Variants in WFS1 observed in about 807,000 individuals in gnomAD.
WFS1 encodes the protein wolframin ER transmembrane glycoprotein, also known as wolframin.
WFS1 carries 90 observed loss-of-function variants against 68.5 expected under a neutral mutation model. That is an observed-to-expected ratio of 1.31 (90% CI 1.11 to 1.56). WFS1 has a LOEUF of 1.56. Ranked by LOEUF, WFS1 falls within the 40% of genes most tolerant of loss-of-function variation. WFS1 has a pLI of 0.00. For synonymous variants in WFS1, 860 were observed against 540.7 expected (o/e 1.59, Z -8.19); for missense variants, 1,767 against 1,232.6 (o/e 1.43, Z -6.49).
rs1730982450 is a variant in WFS1, at chr4:6,302,447, C to G, written c.2652C>G (p.Phe884Leu). The G allele has an allele frequency of 1.9e-6, 3 of 1,613,094 alleles. No homozygotes were observed. The South Asian group carries it at 3.3e-5, about 18-fold the overall frequency. Residue 884 changes from phenylalanine (F) to leucine (L), a missense_variant, in exon 8 of 8, where the codon TTC becomes TTG. Coordinates refer to ENST00000226760, the MANE Select transcript of WFS1 (RefSeq NM_006005.3). The stretch of plus-strand genomic sequence containing the variant: ...AGTTCGCCTTCGACTTCTTTTTCTT[C>G]CCATTCCTGTCGGCGGCCTGAGGAT... ...AVKFAFDFFFFPFLSAA is the reference protein window; with the variant it reads ...AVKFAFDFFFLPFLSAA
At position 6,301,826 on chromosome 4, in the gene WFS1, C is replaced by T; in HGVS notation, c.2031C>T (p.Ala677=). The change falls in exon 8 of 8, where the codon GCC becomes GCT. Residue 677 remains alanine, a synonymous_variant. Coordinates refer to ENST00000226760, the MANE Select transcript of WFS1 (RefSeq NM_006005.3). ...ATGGTGCGCTGTGCGGGCCACGCGC[C>T]TGGAAGGAGACCAACATGGCGCGCA... The part of the protein sequence containing the change: ...QQYGALCGPR[A]WKETNMARTQ... The T allele has an allele frequency of 6.2e-7, 1 of 1,613,242 alleles. No individual in the cohort carries two copies. The highest frequency in any genetic ancestry group is 1.7e-5 in the Admixed American group (1 of 60,036).
At chr4:6,289,486 T>A (rs1730404387) in intron 4 of WFS1, among the ~76,000 whole-genome samples, 1 of 152,222 alleles carries the variant, frequency 6.6e-6, no homozygotes, top group South Asian at 2.1e-4. Flanking sequence ...TGGCCTGCAG[T>A]CAGAGTGGCC....
At position 6,302,991 on chromosome 4, in the gene WFS1, C is replaced by T. The variant is rs572689423; in HGVS notation, c.*523C>T. On this transcript the variant is annotated 3_prime_UTR_variant, in exon 8 of 8. Coordinates refer to ENST00000226760, the MANE Select transcript of WFS1 (RefSeq NM_006005.3). ...GCCTGTCACGTGGTCAAGGCCCGGC[C>T]CCATCAGAGGCTGGGGGAGGCGGCA... The T allele has an allele frequency of 5.9e-6, 1 of 169,894 alleles. No homozygotes were observed. The highest frequency in any genetic ancestry group is 1.3e-5 in the Non-Finnish European group (1 of 77,732). The allele number at this position is 169,894 out of a possible 1,614,324, so 10.5% of individuals were successfully genotyped here.
In WFS1 at chr4:6,301,866, A is replaced by G; in HGVS notation, c.2071A>G (p.Ser691Gly). The G allele has an allele frequency of 6.2e-7, 1 of 1,612,906 alleles. No homozygotes were observed. Among genetic ancestry groups the G allele is most frequent in the Non-Finnish European group, 8.5e-7 (1 of 1,179,832 alleles). Residue 691 changes from serine (S) to glycine (G), a missense_variant, in exon 8 of 8, where the codon AGC (serine) becomes GGC (glycine). Transcript: ENST00000226760. ...TNMARTQILC[S>G]HLEGHRVTWT... ...CATGGCGCGCACCCAGATCCTCTGC[A>G]GCCACCTGGAGGGCCACAGGGTCAC...
chr4:6,298,411 G>A (rs566426046), intron 7 of WFS1, among the ~76,000 whole-genome samples: 20 of 152,358 alleles, frequency 1.3e-4, no homozygotes, highest in African/African-American at 3.1e-4. Context: ...CAGTGTGAGC[G>A]CCTCTCTGCT....
rs1238351685 is a variant in WFS1, at chr4:6,287,229, G to T, written c.315+54G>T. ...CGGGACGCGGCCCCCGGCACAACAG[G>T]CCTGGCCACGAGCTCCACAGCCCAC... On this transcript the variant is annotated intron_variant, in intron 3 of 7. Transcript: ENST00000226760. This position sits in a 1 kb window ranked among gnomAD's most constrained non-coding sequence, Gnocchi z 6.4. 9 of 1,463,632 alleles carry T rather than the reference G, an allele frequency of 6.1e-6. No homozygotes were observed. The highest frequency in any genetic ancestry group is 8.4e-6 in the Non-Finnish European group (9 of 1,069,392). 90.7% of individuals were successfully genotyped at this position (1,463,632 alleles called of 1,614,324 possible). A position where few individuals can be genotyped will look rare whatever the true frequency, so the allele number is the denominator to read the frequency against.
chr4:6,278,637 C>T (rs1484534001), intron 2 of WFS1, among the ~76,000 whole-genome samples: 2 of 152,234 alleles, frequency 1.3e-5, no homozygotes, highest in African/African-American at 4.8e-5. Flanking sequence ...TCCTTCTTGT[C>T]CCAGTCACCC....
At chr4:6,274,186 A>G (rs927050474) in intron 1 of WFS1, among the ~76,000 whole-genome samples, 1 of 151,884 alleles carries the variant, frequency 6.6e-6, no homozygotes, top group African/African-American at 2.4e-5. Context: ...AGTTGGGACT[A>G]TCGGCGCCCG....
In WFS1 at chr4:6,302,237, G is replaced by A. The variant is rs1219745997; in HGVS notation, c.2442G>A (p.Leu814=). 6.2e-7 allele frequency: 1 copy of A among 1,607,094 alleles called. No individual in the cohort carries two copies. The highest frequency in any genetic ancestry group is 2.2e-5 in the East Asian group (1 of 44,768). ...LRASSEFKSV[L]LSLRQGSLIE... ...CCAGCAGCGAGTTCAAGAGCGTGCT[G>A]CTCAGCCTGCGCCAGGGCAGCCTCA... is the stretch of plus-strand genomic sequence containing the variant. Residue 814 remains leucine, a synonymous_variant, in exon 8 of 8, where the codon CTG becomes CTA. Coordinates refer to ENST00000226760, the MANE Select transcript of WFS1 (RefSeq NM_006005.3).
In WFS1 at chr4:6,302,046, G is replaced by A. The variant is rs147465252; in HGVS notation, c.2251G>A (p.Glu751Lys). The A allele has an allele frequency of 1.4e-5, 23 of 1,612,684 alleles. No homozygotes were observed. Among genetic ancestry groups the A allele is most frequent in the Admixed American group, 6.7e-5 (4 of 59,972 alleles). Residue 751 changes from glutamate (E) to lysine (K), a missense_variant, in exon 8 of 8, where the codon GAG becomes AAG. Glu to Lys is a moderately conservative substitution (Grantham distance 56). Coordinates refer to ENST00000226760, the MANE Select transcript of WFS1 (RefSeq NM_006005.3). The part of the protein sequence containing the change: ...ACSPGNTSTA[E>K]EELCRLKLLA... ...CAGCCCTGGCAACACCTCCACGGCC[G>A]AGGAGGAGCTCTGTCGCCTTAAGCT...
intron 1 of WFS1, among the ~76,000 whole-genome samples, chr4:6,275,870 G>C (rs10937713): frequency 1.3e-5 from 2 of 152,226 alleles, no homozygotes; most frequent in South Asian, 2.1e-4. Flanking sequence ...AGTGCCAAGC[G>C]CTGGGTGTTC....
At chr4:6,289,420 G>A (rs556648634) in intron 4 of WFS1, among the ~76,000 whole-genome samples, 10 of 152,308 alleles carry the variant, frequency 6.6e-5, no homozygotes, top group Admixed American at 3.9e-4. Flanking sequence ...CTGAGACATC[G>A]ATCCTGGGTT....
In WFS1 at chr4:6,301,068, G is replaced by A. The variant is rs138042354; in HGVS notation, c.1273G>A (p.Asp425Asn). The A allele has an allele frequency of 1.9e-6, 3 of 1,614,100 alleles. No homozygotes were observed. The highest frequency in any genetic ancestry group is 1.3e-5 in the African/African-American group (1 of 75,028). Reference sequence around the variant, plus strand: ...CTTCTCCTTCCCCATCGCCAGCAAGGACTGCATCCCCTGCTCGGAGCTGGC... The same window carrying A: ...CTTCTCCTTCCCCATCGCCAGCAAGAACTGCATCCCCTGCTCGGAGCTGGC... ...VIFSFPIASKDCIPCSELAVI... is the reference protein window; with the variant it reads ...VIFSFPIASKNCIPCSELAVI... The change falls in exon 8 of 8, where the codon GAC becomes AAC. Residue 425 changes from aspartate (D) to asparagine (N), a missense_variant. Asp to Asn is a conservative substitution (Grantham distance 23). Coordinates refer to ENST00000226760, the MANE Select transcript of WFS1 (RefSeq NM_006005.3).
chr4:6,287,242 C>A lies in WFS1; in HGVS notation c.315+67C>A. On this transcript the variant is annotated intron_variant, in intron 3 of 7. Coordinates refer to ENST00000226760, the MANE Select transcript of WFS1 (RefSeq NM_006005.3). This position sits in a 1 kb window ranked among gnomAD's most constrained non-coding sequence, Gnocchi z 6.4. ...CCGGCACAACAGGCCTGGCCACGAG[C>A]TCCACAGCCCACAGAGAAGTGTCGG... 1.5e-6 allele frequency: 2 copies of A among 1,370,200 alleles called. No individual in the cohort carries two copies. The allele number at this position is 1,370,200 out of a possible 1,614,324, so 84.9% of individuals were successfully genotyped here.
rs140407862 is a variant in WFS1 at position 6,301,015 on chromosome 4, A to C, written c.1220A>C (p.His407Pro). ...FGWNHLEPYA[H>P]FLLSVFFVIF... ...TGGAACCACCTGGAGCCCTATGCCC[A>C]TTTCCTGCTCTCTGTCTTCTTCGTC... Residue 407 changes from histidine (H) to proline (P), a missense_variant, in exon 8 of 8, where the codon CAT becomes CCT. Physicochemically the swap from His to Pro is moderately conservative, Grantham distance 77. Transcript: ENST00000226760. 1 of 1,613,768 alleles carries C rather than the reference A, an allele frequency of 6.2e-7. No individual in the cohort carries two copies. The highest frequency in any genetic ancestry group is 1.7e-5 in the Admixed American group (1 of 59,864).
intron 1 of WFS1, among the ~76,000 whole-genome samples, chr4:6,275,231 C>T (rs1237157666): frequency 6.6e-6 from 1 of 152,206 alleles, no homozygotes; most frequent in Non-Finnish European, 1.5e-5. Context: ...AAAGTGACAC[C>T]TGACTTCGGG....
At chr4:6,290,240 G>A (rs563123357) in intron 4 of WFS1, among the ~76,000 whole-genome samples, 1 of 152,348 alleles carries the variant, frequency 6.6e-6, no homozygotes, top group South Asian at 2.1e-4. Flanking sequence ...TGCCCAGCTT[G>A]TATCATATTT....
Position 6,287,391 on chromosome 4 carries a change from A to C in WFS1, c.315+216A>C, listed in dbSNP as rs1730345703. ...GGCACTCCTCTGGGGAGCAGCGCTC[A>C]TCCCCCTTTTGTCCAACTCACACCT... On this transcript the variant is annotated intron_variant, in intron 3 of 7. Coordinates refer to ENST00000226760, the MANE Select transcript of WFS1 (RefSeq NM_006005.3). The surrounding 1 kb of genome is among the most constrained non-coding windows in gnomAD (Gnocchi z 6.4). The C allele has an allele frequency of 3.4e-6, 2 of 585,124 alleles. No individual in the cohort carries two copies. Among genetic ancestry groups the C allele is most frequent in the Admixed American group, 5.3e-5 (2 of 37,566 alleles). 36.2% of individuals were successfully genotyped at this position (585,124 alleles called of 1,614,324 possible).
intron 2 of WFS1, among the ~76,000 whole-genome samples, chr4:6,284,608 T>C (rs1730259428): frequency 6.6e-6 from 1 of 151,782 alleles, no homozygotes; most frequent in Non-Finnish European, 1.5e-5. Context: ...GCTGGCGTTG[T>C]GGTGGGAAGT....
Sources: allele counts gnomAD v4.1 joint callset (sites outside exome capture counted in the v4.1 genomes callset), GRCh38; gene constraint gnomAD v4.1.1; non-coding constraint Gnocchi (gnomAD v3.1); transcripts MANE v1.5; gene names NCBI Gene and HGNC (gene_info 2026-07-23, HGNC 2026-07-21).